The following HEBP2 variants were observed in gnomAD, a reference collection of about 807,000 sequenced individuals.
The protein encoded by HEBP2 is heme-binding protein 2.
A neutral mutation model predicts 23.1 loss-of-function variants in HEBP2; 27 were observed. The ratio of observed to expected loss-of-function variants is 1.17; its 90% CI spans 0.86 to 1.61. The LOEUF is 1.61. HEBP2 is among the 40% of genes most tolerant of loss of function. The pLI, the probability that HEBP2 is intolerant of heterozygous loss-of-function variation, is 0.00. For missense variants in HEBP2, 245 were observed against 253.8 expected (o/e 0.97, Z 0.24); for synonymous variants, 99 against 95.1 (o/e 1.04, Z -0.24).
chr6:138,404,359 A>G lies in HEBP2; in HGVS notation c.-137A>G, dbSNP rs1346836756. On this transcript the variant is annotated 5_prime_UTR_variant, in exon 1 of 4. Transcript: ENST00000607197. ...ACGCATCGGGTGGGCTCGGGTCTCC[A>G]GCCCGGCCGGGAGGAGGGACCGGGT... 6.0e-6 allele frequency: 3 copies of G among 500,322 alleles called. No individual in the cohort carries two copies. Among genetic ancestry groups the G allele is most frequent in the Non-Finnish European group, 9.0e-6 (3 of 333,638 alleles). 31.0% of individuals were successfully genotyped at this position (500,322 alleles called of 1,614,324 possible). A position where few individuals can be genotyped will look rare whatever the true frequency, so the allele number is the denominator to read the frequency against.
rs1448352768 is a variant in HEBP2 at position 138,409,184 on chromosome 6, TTTA to T, written c.419+3039_419+3041del. ...ATGTGCCACCACCATGCCCAGCTAA[TTTA>T]TTATTTTTTGTAGGGACAGGATCTC... On this transcript the variant is annotated intron_variant, in intron 3 of 3. Transcript: ENST00000607197. Among the ~76,000 whole-genome samples, 3 of 152,130 alleles carry T rather than the reference TTTA, an allele frequency of 2.0e-5. No individual in the cohort carries two copies. The East Asian group carries it at 5.8e-4, about 29-fold the overall frequency.
Position 138,413,361 on chromosome 6 carries a change from A to C in HEBP2, c.*283A>C, listed in dbSNP as rs758904455. 8.2e-5 allele frequency: 25 copies of C among 304,868 alleles called. No individual in the cohort carries two copies. Among genetic ancestry groups the C allele is most frequent in the Non-Finnish European group, 1.4e-4 (23 of 163,542 alleles). 18.9% of individuals were successfully genotyped at this position (304,868 alleles called of 1,614,324 possible). On this transcript the variant is annotated 3_prime_UTR_variant, in exon 4 of 4. Transcript: ENST00000607197. ...TGTCACTTCCCTCCTTCACTGCATC[A>C]CAATCATATTCCCTTTTTTTTTTCT... is the stretch of plus-strand genomic sequence containing the variant.
rs981723187 is a variant in HEBP2 at position 138,404,398 on chromosome 6, A to C, written c.-98A>C. 4.3e-4 allele frequency: 326 copies of C among 755,632 alleles called. No homozygotes were observed. In the African/African-American group the frequency reaches 5.6e-3, roughly 13 times the overall value. The allele number at this position is 755,632 out of a possible 1,614,324, so 46.8% of individuals were successfully genotyped here. A position where few individuals can be genotyped will look rare whatever the true frequency, so the allele number is the denominator to read the frequency against. ...GAGGGACCGGGTCTGCGGAGCGGGG[A>C]CTCGGGGCCTCGGCGGGGCGCGCAC... On this transcript the variant is annotated 5_prime_UTR_variant, in exon 1 of 4. Transcript: ENST00000607197.
rs1299022335 is a variant in HEBP2 at position 138,418,338 on chromosome 6, G to T, written c.*5260G>T. ...GCCCAATGAGAGAATCACAGTGCAGGTCCCTGGGGCCCTGAAGGAAGGTGG... is the reference window on the plus strand; with the variant it reads ...GCCCAATGAGAGAATCACAGTGCAGTTCCCTGGGGCCCTGAAGGAAGGTGG... On this transcript the variant is annotated 3_prime_UTR_variant, in exon 4 of 4. Transcript: ENST00000607197. The T allele has an allele frequency of 1.3e-5, 2 of 152,200 alleles. No homozygotes were observed. The highest frequency in any genetic ancestry group is 2.9e-5 in the Non-Finnish European group (2 of 68,030). The allele number at this position is 152,200 out of a possible 1,614,324, so 9.4% of individuals were successfully genotyped here. A position where few individuals can be genotyped will look rare whatever the true frequency, so the allele number is the denominator to read the frequency against.
chr6:138,406,174 C>A, intron 3 of HEBP2, 23 bp downstream of exon 3: 1 of 1,602,718 alleles, frequency 6.2e-7, no homozygotes, highest in African/African-American at 1.3e-5. Flanking sequence ...TAATTTATAG[C>A]CTTGCTGACT....
upstream of HEBP2, chr6:138,403,578 G>A (rs544405143): frequency 3.3e-4 from 152 of 466,728 alleles, no homozygotes; most frequent in African/African-American, 2.9e-3. Context: ...GAGTCCTCTG[G>A]GGGGCGCCGG....
rs923573623 is a variant in HEBP2 at position 138,413,374 on chromosome 6, CTT to C, written c.*305_*306del. ...CTTCACTGCATCACAATCATATTCC[CTT>C]TTTTTTTTCTTGGATTTGTGTCAGT... On this transcript the variant is annotated 3_prime_UTR_variant, in exon 4 of 4. Transcript: ENST00000607197. 1.2e-5 allele frequency: 3 copies of C among 240,820 alleles called. No individual in the cohort carries two copies. The highest frequency in any genetic ancestry group is 9.3e-5 in the East Asian group (1 of 10,798). The allele number at this position is 240,820 out of a possible 1,614,324, so 14.9% of individuals were successfully genotyped here.
chr6:138,405,322 G>T, intron 2 of HEBP2, 42 bp downstream of exon 2: 1 of 1,608,406 alleles, frequency 6.2e-7, no homozygotes, highest in Non-Finnish European at 8.5e-7. Flanking sequence ...TTGTGAAAGA[G>T]TCCCCGGGCT....
Position 138,413,317 on chromosome 6 carries a change from A to C in HEBP2, c.*239A>C. The C allele has an allele frequency of 2.6e-6, 1 of 390,602 alleles. No homozygotes were observed. The allele number at this position is 390,602 out of a possible 1,614,324, so 24.2% of individuals were successfully genotyped here. ...AACTATCGTGGTCTTTATTTCTGTG[A>C]GGATCTAGGGAAATTTCATGTCACT... On this transcript the variant is annotated 3_prime_UTR_variant, in exon 4 of 4. Coordinates refer to ENST00000607197, the MANE Select transcript of HEBP2 (RefSeq NM_014320.3).
Position 138,414,927 on chromosome 6 carries a change from A to T in HEBP2, c.*1849A>T, listed in dbSNP as rs1318566514. On this transcript the variant is annotated 3_prime_UTR_variant, in exon 4 of 4. Coordinates refer to ENST00000607197, the MANE Select transcript of HEBP2 (RefSeq NM_014320.3). ...AAAAATTAGCCAAGCGTGGTGGCAC[A>T]CGCCTGTATTCCTAGCTCCTGAGGT... is the stretch of plus-strand genomic sequence containing the variant. The T allele has an allele frequency of 6.6e-6, 1 of 152,198 alleles. No individual in the cohort carries two copies. The highest frequency in any genetic ancestry group is 2.4e-5 in the African/African-American group (1 of 41,432). 9.4% of individuals were successfully genotyped at this position (152,198 alleles called of 1,614,324 possible). A position where few individuals can be genotyped will look rare whatever the true frequency, so the allele number is the denominator to read the frequency against.
chr6:138,416,299 T>C lies in HEBP2; in HGVS notation c.*3221T>C, dbSNP rs1774841114. ...CAGCTTGGTAGAAGCCTAGAAAGAG[T>C]GATCAAAATGTTGAAATGCCTGAAT... is the stretch of plus-strand genomic sequence containing the variant. On this transcript the variant is annotated 3_prime_UTR_variant, in exon 4 of 4. Transcript: ENST00000607197. 6.6e-6 allele frequency: 1 copy of C among 151,620 alleles called. No individual in the cohort carries two copies. The highest frequency in any genetic ancestry group is 2.4e-5 in the African/African-American group (1 of 41,172). 9.4% of individuals were successfully genotyped at this position (151,620 alleles called of 1,614,324 possible).
At chr6:138,405,066 G>C (rs1411417316) in intron 1 of HEBP2, 79 bp from the exon 2 acceptor site, 1 of 1,519,148 alleles carries the variant, frequency 6.6e-7, no homozygotes, top group Non-Finnish European at 9.0e-7. Context: ...GTCGACCCGA[G>C]ATCATGGCAC....
chr6:138,411,294 TC>T (rs1347384577), intron 3 of HEBP2, among the ~76,000 whole-genome samples: 5 of 152,206 alleles, frequency 3.3e-5, no homozygotes, highest in Non-Finnish European at 5.9e-5. Context: ...TGTCTTTTCT[TC>T]CACTTCCCCA....
chr6:138,413,223 A>G lies in HEBP2; in HGVS notation c.*145A>G, dbSNP rs1243475580. 1 of 646,816 alleles carries G rather than the reference A, an allele frequency of 1.5e-6. No individual in the cohort carries two copies. Among genetic ancestry groups the G allele is most frequent in the Non-Finnish European group, 2.7e-6 (1 of 373,732 alleles). The allele number at this position is 646,816 out of a possible 1,614,324, so 40.1% of individuals were successfully genotyped here. ...AGCTTATTTCCAATGTGCCTTTTTAATGCTTGAAGTTTTATCTACATACAC... is the reference window on the plus strand; with the variant it reads ...AGCTTATTTCCAATGTGCCTTTTTAGTGCTTGAAGTTTTATCTACATACAC... On this transcript the variant is annotated 3_prime_UTR_variant, in exon 4 of 4. Coordinates refer to ENST00000607197, the MANE Select transcript of HEBP2 (RefSeq NM_014320.3).
intron 1 of HEBP2, 107 bp downstream of exon 1, chr6:138,404,704 G>A: frequency 1.5e-6 from 1 of 654,070 alleles, no homozygotes; most frequent in Non-Finnish European, 2.2e-6. Context: ...TTTTTAAATG[G>A]TCCCAGTCCC....
At chr6:138,406,199 C>G (rs564053506) in intron 3 of HEBP2, 48 bp downstream of exon 3, 1 of 1,521,568 alleles carries the variant, frequency 6.6e-7, no homozygotes, top group South Asian at 1.2e-5. Context: ...GTTTTACTTG[C>G]GTGCACTCAC....
At chr6:138,407,421 A>T (rs960873222) in intron 3 of HEBP2, among the ~76,000 whole-genome samples, 1 of 152,262 alleles carries the variant, frequency 6.6e-6, no homozygotes, top group Admixed American at 6.5e-5. Context: ...CTTTGACTCA[A>T]AGCTCTTCCC....
chr6:138,415,015 C>G lies in HEBP2; in HGVS notation c.*1937C>G, dbSNP rs1312534501. On this transcript the variant is annotated 3_prime_UTR_variant, in exon 4 of 4. Transcript: ENST00000607197. ...TGAGTCCTGATCATGCCACTGCACT[C>G]CAGCCTGGGTGACAGAGCAAGATCC... The G allele has an allele frequency of 6.6e-6, 1 of 152,180 alleles. No homozygotes were observed. Among genetic ancestry groups the G allele is most frequent in the Non-Finnish European group, 1.5e-5 (1 of 68,106 alleles). 9.4% of individuals were successfully genotyped at this position (152,180 alleles called of 1,614,324 possible).
chr6:138,419,686 G>C lies in HEBP2; in HGVS notation c.*6608G>C, dbSNP rs867464970. 1 of 152,146 alleles carries C rather than the reference G, an allele frequency of 6.6e-6. No individual in the cohort carries two copies. The highest frequency in any genetic ancestry group is 2.4e-5 in the African/African-American group (1 of 41,446). The allele number at this position is 152,146 out of a possible 1,614,324, so 9.4% of individuals were successfully genotyped here. ...GTATACTTATTGAATCAGAAAGCCT[G>C]TATGATGCTGTGTCTACAACAGGAA... On this transcript the variant is annotated 3_prime_UTR_variant, in exon 4 of 4. Coordinates refer to ENST00000607197, the MANE Select transcript of HEBP2 (RefSeq NM_014320.3).
Sources: allele counts gnomAD v4.1 joint callset (sites outside exome capture counted in the v4.1 genomes callset), GRCh38; gene constraint gnomAD v4.1.1; transcripts MANE v1.5; gene names NCBI Gene and HGNC (gene_info 2026-07-23, HGNC 2026-07-21).